The following OPA1 variants were observed in gnomAD, a reference collection of about 807,000 sequenced individuals.
The protein encoded by OPA1 is OPA1 mitochondrial dynamin like GTPase.
Under a neutral mutation model 152.9 loss-of-function variants are expected in OPA1, and 59 were observed. That is an observed-to-expected ratio of 0.39 (90% CI 0.31 to 0.48). OPA1 has a LOEUF of 0.48. Ranked by LOEUF, OPA1 falls within the 20% of genes least tolerant of loss-of-function variation. OPA1 has a pLI of 0.96. For missense variants in OPA1, 1,008 were observed against 1,216.8 expected (o/e 0.83, Z 2.55); for synonymous variants, 400 against 389.9 (o/e 1.03, Z -0.31).
intron 29 of OPA1, among the ~76,000 whole-genome samples, chr3:193,681,281 G>T (rs540562577): frequency 2.0e-5 from 3 of 152,154 alleles, no homozygotes; most frequent in Non-Finnish European, 2.9e-5. Context: ...ACCACTTTTA[G>T]AATATTGTGG....
At position 193,656,942 on chromosome 3, in the gene OPA1, T is replaced by C; in HGVS notation, c.2179-138T>C. On this transcript the variant is annotated intron_variant, in intron 22 of 30. Coordinates refer to ENST00000361510, the MANE Select transcript of OPA1 (RefSeq NM_130837.3). ...ATCATGGTTTATATTTGCCTTTTTG[T>C]TAATGTAGTTTCACATATATTTTCT... The C allele has an allele frequency of 1.2e-5, 9 of 764,572 alleles. No individual in the cohort carries two copies. In the South Asian group the frequency reaches 1.7e-4, roughly 15 times the overall value. 47.4% of individuals were successfully genotyped at this position (764,572 alleles called of 1,614,324 possible). A position where few individuals can be genotyped will look rare whatever the true frequency, so the allele number is the denominator to read the frequency against.
In OPA1 at chr3:193,683,820, T is replaced by G. The variant is rs113708198; in HGVS notation, c.2984-8243T>G. 1.8e-3 allele frequency among the ~76,000 whole-genome samples: 271 copies of G among 152,368 alleles called. 1 individual carries two copies. The highest frequency in any genetic ancestry group is 0.011 in the South Asian group (54 of 4,830). ...ACACACTTAATATATTACAGTATAC[T>G]GTAAACGTAACTTAAACGCACCGGA... is the stretch of plus-strand genomic sequence containing the variant. On this transcript the variant is annotated intron_variant, in intron 29 of 30. Transcript: ENST00000361510.
chr3:193,668,462 T>C, intron 29 of OPA1: 1 of 1,550,686 alleles, frequency 6.4e-7, no homozygotes, highest in Non-Finnish European at 8.7e-7. Flanking sequence ...TTTACTGAGC[T>C]CTGCTCTGAC....
At position 193,635,414 on chromosome 3, in the gene OPA1, G is replaced by A. The variant is rs377043223; in HGVS notation, c.844-4G>A. 44 of 1,526,388 alleles carry A rather than the reference G, an allele frequency of 2.9e-5. No homozygotes were observed. The highest frequency in any genetic ancestry group is 1.9e-4 in the African/African-American group (14 of 73,354). The allele number at this position is 1,526,388 out of a possible 1,614,324, so 94.6% of individuals were successfully genotyped here. A position where few individuals can be genotyped will look rare whatever the true frequency, so the allele number is the denominator to read the frequency against. On this transcript the variant is annotated splice_polypyrimidine_tract_variant and splice_region_variant and intron_variant, in intron 8 of 30. Transcript: ENST00000361510. ...ATATAGTTACACTTATTATTTTATT[G>A]CAGTTGAAGTATCAGAGAATCTTGG...
chr3:193,639,137 TG>T (rs1203847233), intron 11 of OPA1, among the ~76,000 whole-genome samples: 1 of 152,124 alleles, frequency 6.6e-6, no homozygotes, highest in Non-Finnish European at 1.5e-5. Context: ...GAAGAAGGTA[TG>T]GGGCTGCAGA....
Position 193,614,748 on chromosome 3 carries a change from C to T in OPA1, c.58C>T (p.His20Tyr), listed in dbSNP as rs1321305109. The T allele has an allele frequency of 6.2e-7, 1 of 1,613,866 alleles. No individual in the cohort carries two copies. Among genetic ancestry groups the T allele is most frequent in the Admixed American group, 1.7e-5 (1 of 60,016 alleles). Residue 20 changes from histidine to tyrosine, a missense_variant, in exon 2 of 31, where the codon CAC (histidine) becomes TAC (tyrosine). His to Tyr is a moderately conservative substitution (Grantham distance 83). Transcript: ENST00000361510. ...ACEVCQSLVK[H>Y]SSGIKGSLPL... ...TGAGGTCTGCCAGTCTTTAGTGAAA[C>T]ACAGCTCTGGAATAAAAGGAAGTTT...
At chr3:193,595,548 T>G (rs1725348768) in intron 1 of OPA1, among the ~76,000 whole-genome samples, 1 of 152,236 alleles carries the variant, frequency 6.6e-6, no homozygotes, top group South Asian at 2.1e-4. Flanking sequence ...TGTAATTGTT[T>G]ATTGCTGCTG....
chr3:193,680,879 A>G (rs1720023138), intron 29 of OPA1, among the ~76,000 whole-genome samples: 1 of 152,188 alleles, frequency 6.6e-6, no homozygotes, highest in Non-Finnish European at 1.5e-5. Flanking sequence ...AAAGCCATGT[A>G]TCATTAATGA....
intron 21 of OPA1, among the ~76,000 whole-genome samples, chr3:193,653,910 G>A (rs1363881596): frequency 1.3e-5 from 2 of 152,144 alleles, no homozygotes; most frequent in Non-Finnish European, 2.9e-5. Context: ...TATACCAAGT[G>A]TTGGCAAGGA....
chr3:193,625,062 T>G (rs1730838828), intron 6 of OPA1, among the ~76,000 whole-genome samples: 1 of 152,144 alleles, frequency 6.6e-6, no homozygotes, highest in African/African-American at 2.4e-5. Context: ...GATTTCTAAT[T>G]AAGAAAACAT....
intron 8 of OPA1, among the ~76,000 whole-genome samples, chr3:193,634,888 G>C (rs1247423477): frequency 6.6e-6 from 1 of 152,102 alleles, no homozygotes; most frequent in African/African-American, 2.4e-5. Flanking sequence ...CCTGCTTTAT[G>C]GGGTTTTTGT....
chr3:193,647,145 G>A lies in OPA1; in HGVS notation c.1835G>A (p.Arg612Gln), dbSNP rs1438303929. 11 of 1,613,192 alleles carry A rather than the reference G, an allele frequency of 6.8e-6. No individual in the cohort carries two copies. Among genetic ancestry groups the A allele is most frequent in the Admixed American group, 5.0e-5 (3 of 60,014 alleles). The change falls in exon 19 of 31, where the codon CGA (arginine) becomes CAA (glutamine). Residue 612 changes from arginine (R) to glutamine (Q), a missense_variant. This residue lies in a region of OPA1 where 10 missense variants were observed against 35.8 expected (regional missense o/e 0.28). Coordinates refer to ENST00000361510, the MANE Select transcript of OPA1 (RefSeq NM_130837.3). ...AVSDCFWKMV[R>Q]ESVEQQADSF... ...TCAGACTGCTTTTGGAAAATGGTAC[G>A]AGAGTCTGTTGAACAACAGGCTGAT...
chr3:193,648,288 CTCTT>C, intron 20 of OPA1, 154 bp downstream of exon 20: 2 of 598,394 alleles, frequency 3.3e-6, no homozygotes, highest in Non-Finnish European at 6.0e-6. Flanking sequence ...GAGCAGTTAT[CTCTT>C]TCAGTAATTT....
chr3:193,659,557 A>G lies in OPA1; in HGVS notation c.2516A>G (p.Glu839Gly), dbSNP rs757170951. 6.2e-7 allele frequency: 1 copy of G among 1,609,468 alleles called. No individual in the cohort carries two copies. ...RWLYWKNRTQ[E>G]QCVHNETKNE... ...TTATACTGGAAGAATCGGACCCAAG[A>G]ACAGGTAGAAATAAACAAGTCTCTA... is the stretch of plus-strand genomic sequence containing the variant. The change falls in exon 25 of 31, where the codon GAA becomes GGA. Residue 839 changes from glutamate to glycine, a missense_variant. Glu to Gly is a moderately conservative substitution (Grantham distance 98). Around this residue, in one of 7 missense-constraint regions of OPA1, gnomAD observed 229 missense variants for 269.0 expected, o/e 0.85. Coordinates refer to ENST00000361510, the MANE Select transcript of OPA1 (RefSeq NM_130837.3).
In OPA1 at chr3:193,662,853, A is replaced by G. The variant is rs1715622369; in HGVS notation, c.2552A>G (p.Glu851Gly). 6.2e-7 allele frequency: 1 copy of G among 1,613,338 alleles called. No homozygotes were observed. The highest frequency in any genetic ancestry group is 1.1e-5 in the South Asian group (1 of 91,054). The change falls in exon 26 of 31, where the codon GAG (glutamate) becomes GGG (glycine). Residue 851 changes from glutamate (E) to glycine (G), a missense_variant. Glu to Gly is a moderately conservative substitution (Grantham distance 98). Around this residue, in one of 7 missense-constraint regions of OPA1, gnomAD observed 229 missense variants for 269.0 expected, o/e 0.85. Transcript: ENST00000361510. ...CACAATGAAACCAAGAATGAATTGG[A>G]GAAGATGTTGAAATGTAATGAGGAG... ...CVHNETKNEL[E>G]KMLKCNEEHP...
At chr3:193,653,663 A>C (rs1323810310) in intron 21 of OPA1, among the ~76,000 whole-genome samples, 1 of 152,126 alleles carries the variant, frequency 6.6e-6, no homozygotes, top group Non-Finnish European at 1.5e-5. Context: ...TTATTGAAAA[A>C]TTTTATCTAC....
At chr3:193,666,915 G>A (rs1199501689) in intron 28 of OPA1, among the ~76,000 whole-genome samples, 2 of 152,090 alleles carry the variant, frequency 1.3e-5, no homozygotes, top group Non-Finnish European at 2.9e-5. Flanking sequence ...TGGACTCCTA[G>A]GTATCACTTA....
rs759983560 is a variant in OPA1, at chr3:193,614,582, T to C, written c.33-141T>C. 128 of 728,388 alleles carry C rather than the reference T, an allele frequency of 1.8e-4. 1 individual carries two copies. Among genetic ancestry groups the C allele is most frequent in the Middle Eastern group, 1.0e-3 (3 of 2,912 alleles). The allele number at this position is 728,388 out of a possible 1,614,324, so 45.1% of individuals were successfully genotyped here. The stretch of plus-strand genomic sequence containing the variant: ...ACCATGTCTGGCACATAGTCAATGG[T>C]TAGTAAATGTGAACTATTGTGTGAC... On this transcript the variant is annotated intron_variant, in intron 1 of 30. Transcript: ENST00000361510.
intron 22 of OPA1, among the ~76,000 whole-genome samples, chr3:193,655,325 T>C (rs1713534768): frequency 6.6e-6 from 1 of 152,304 alleles, no homozygotes; most frequent in African/African-American, 2.4e-5. Context: ...GAGTATTTGC[T>C]TGAATGTGAA....
Sources: gnomAD v4.1 joint callset for allele counts (sites outside exome capture counted in the v4.1 genomes callset) on GRCh38, gnomAD v4.1.1 for gene constraint, gnomAD v4.1.1 regional missense constraint, MANE v1.5 for transcripts, NCBI Gene and HGNC (gene_info 2026-07-23, HGNC 2026-07-21) for gene names.